Variants in ACAD10 observed in about 807,000 individuals in gnomAD.
ACAD10 encodes the protein acyl-CoA dehydrogenase family member 10.
ACAD10 carries 112 observed loss-of-function variants against 116.8 expected under a neutral mutation model. The ratio of observed to expected loss-of-function variants is 0.96; its 90% CI spans 0.82 to 1.12. The LOEUF is 1.12. Among genes scored for constraint, ACAD10 ranks in the 50% most tolerant of loss-of-function variants. The pLI is 0.00. For synonymous variants in ACAD10, 486 were observed against 510.6 expected (o/e 0.95, Z 0.65); for missense variants, 1,259 against 1,350.2 (o/e 0.93, Z 1.06).
intron 7 of ACAD10, among the ~76,000 whole-genome samples, chr12:111,718,283 A>C (rs1238056110): frequency 6.6e-6 from 1 of 152,088 alleles, no homozygotes; most frequent in African/African-American, 2.4e-5. Context: ...CCCTGATCTC[A>C]AGTGATTCAC....
chr12:111,731,822 C>T (rs939145688), intron 10 of ACAD10, among the ~76,000 whole-genome samples: 3 of 152,176 alleles, frequency 2.0e-5, no homozygotes, highest in Admixed American at 6.6e-5. Context: ...GTGACTCAAG[C>T]GTGTAATCCC....
At chr12:111,702,385 G>A in intron 3 of ACAD10, 75 bp downstream of exon 3, 1 of 1,542,784 alleles carries the variant, frequency 6.5e-7, no homozygotes, top group Non-Finnish European at 8.8e-7. Context: ...TCATGTATAA[G>A]TTAGTTAAAC....
intron 6 of ACAD10, among the ~76,000 whole-genome samples, chr12:111,714,335 C>G (rs1317270570): frequency 6.6e-6 from 1 of 152,028 alleles, no homozygotes; most frequent in Non-Finnish European, 1.5e-5. Context: ...CCTTCACATT[C>G]CCCCCTCAGA....
chr12:111,709,333 G>A (rs1736483609), intron 4 of ACAD10, among the ~76,000 whole-genome samples, 193 bp from the exon 5 acceptor site: 1 of 152,132 alleles, frequency 6.6e-6, no homozygotes, highest in Admixed American at 6.5e-5. Flanking sequence ...TTGCCCCCAC[G>A]TTGTAACCCA....
intron 12 of ACAD10, among the ~76,000 whole-genome samples, chr12:111,737,435 C>T (rs888178382): frequency 1.4e-4 from 22 of 152,260 alleles, no homozygotes; most frequent in Admixed American, 2.0e-4. Context: ...GATCCGTCTG[C>T]CTTGGCCTCC....
At chr12:111,727,542 TAAATAAATAAAC>T (rs1889251699) in intron 8 of ACAD10, among the ~76,000 whole-genome samples, 1 of 152,028 alleles carries the variant, frequency 6.6e-6, no homozygotes, top group Non-Finnish European at 1.5e-5. Flanking sequence ...AAAAAATAAA[TAAATAAATAAAC>T]AAAAAATAAA....
chr12:111,737,495 A>C (rs1889604056), intron 12 of ACAD10, among the ~76,000 whole-genome samples: 1 of 152,090 alleles, frequency 6.6e-6, no homozygotes, highest in Admixed American at 6.6e-5. Context: ...CCTCTTTACA[A>C]TATTTAAACT....
intron 2 of ACAD10, among the ~76,000 whole-genome samples, chr12:111,696,447 G>A (rs1034324276): frequency 6.6e-6 from 1 of 152,116 alleles, no homozygotes; most frequent in African/African-American, 2.4e-5. Context: ...AATATTTTGT[G>A]ACATGTGAAA....
In ACAD10 at chr12:111,692,724, C is replaced by G. The variant is rs1307611083; in HGVS notation, c.15C>G (p.Ser5Arg). 5.6e-6 allele frequency: 9 copies of G among 1,613,724 alleles called. No individual in the cohort carries two copies. The highest frequency in any genetic ancestry group is 1.3e-5 in the African/African-American group (1 of 74,938). ...TCAGCCTCACCATGTGTGTCAGGAG[C>G]TGTTTCCAGTCCCCCCGTCTCCAGT... is the stretch of plus-strand genomic sequence containing the variant. The part of the protein sequence containing the change: MCVR[S>R]CFQSPRLQWV... Residue 5 changes from serine (S) to arginine (R), a missense_variant, in exon 2 of 21, where the codon AGC becomes AGG. Coordinates refer to ENST00000313698, the MANE Select transcript of ACAD10 (RefSeq NM_025247.6).
At position 111,753,613 on chromosome 12, in the gene ACAD10, A is replaced by G. The variant is rs75822212; in HGVS notation, c.2818-159A>G. ...CCCTGGACATGGCGCATGGCTGCAC[A>G]CAGGCACCTTGGCTGAGAAGATGCA... is the stretch of plus-strand genomic sequence containing the variant. On this transcript the variant is annotated intron_variant, in intron 18 of 20. Transcript: ENST00000313698. 3,810 of 953,300 alleles carry G rather than the reference A, an allele frequency of 4.0e-3. 97 individuals are homozygous for G. In the African/African-American group the frequency reaches 0.053, roughly 13 times the overall value. 59.1% of individuals were successfully genotyped at this position (953,300 alleles called of 1,614,324 possible).
At chr12:111,753,699 G>C in intron 18 of ACAD10, 73 bp from the exon 19 acceptor site, 6 of 1,606,654 alleles carry the variant, frequency 3.7e-6, no homozygotes, top group African/African-American at 1.3e-5. Flanking sequence ...AGCTCTGCAG[G>C]CCACCAGCCC....
At chr12:111,689,528 C>T (rs114609837) in intron 1 of ACAD10, among the ~76,000 whole-genome samples, 2,923 of 151,964 alleles carry the variant, frequency 0.019, 74 homozygotes, top group African/African-American at 0.054. Flanking sequence ...TGCGCCACCA[C>T]GCCTGGCTAA....
chr12:111,714,693 C>A (rs1039144078), intron 6 of ACAD10, among the ~76,000 whole-genome samples: 1 of 149,528 alleles, frequency 6.7e-6, no homozygotes, highest in Non-Finnish European at 1.5e-5. Flanking sequence ...AGAAGACTTA[C>A]AAAATTTTTT....
chr12:111,723,307 G>A (rs1184318228), intron 8 of ACAD10, among the ~76,000 whole-genome samples: 1 of 138,516 alleles, frequency 7.2e-6, no homozygotes, highest in Non-Finnish European at 1.6e-5. Context: ...GGGGCGGCTG[G>A]CCGGGCGGGG....
At chr12:111,725,644 C>T (rs1889192479) in intron 8 of ACAD10, among the ~76,000 whole-genome samples, 1 of 151,954 alleles carries the variant, frequency 6.6e-6, no homozygotes, top group South Asian at 2.1e-4. Context: ...AAGCAGTTCT[C>T]CTGCCTTAGC....
At chr12:111,718,790 T>C (rs115352431) in intron 7 of ACAD10, among the ~76,000 whole-genome samples, 2,612 of 152,134 alleles carry the variant, frequency 0.017, 81 homozygotes, top group African/African-American at 0.058. Context: ...GTTTTTCTTT[T>C]CTAATACAAG....
chr12:111,707,917 G>T (rs1209194651), intron 4 of ACAD10, among the ~76,000 whole-genome samples: 1 of 152,166 alleles, frequency 6.6e-6, no homozygotes, highest in Non-Finnish European at 1.5e-5. Context: ...CCAGGCATGT[G>T]TATTTCGAAA....
intron 1 of ACAD10, among the ~76,000 whole-genome samples, chr12:111,692,002 C>G (rs1888057703): frequency 6.7e-6 from 1 of 148,380 alleles, no homozygotes; most frequent in African/African-American, 2.5e-5. Context: ...GAGTTTTGCT[C>G]TTGTTGCCCA....
intron 12 of ACAD10, among the ~76,000 whole-genome samples, chr12:111,739,910 T>C (rs1889679246): frequency 6.6e-6 from 1 of 152,114 alleles, no homozygotes; most frequent in Non-Finnish European, 1.5e-5. Flanking sequence ...GGATAGTCGA[T>C]GATATGAAGA....
Sources: gnomAD v4.1 joint callset for allele counts (sites outside exome capture counted in the v4.1 genomes callset) on GRCh38, gnomAD v4.1.1 for gene constraint, MANE v1.5 for transcripts, NCBI Gene and HGNC (gene_info 2026-07-23, HGNC 2026-07-21) for gene names.